CMSS1: variants seen among roughly 807,000 people sequenced by gnomAD.
The protein encoded by CMSS1 is cms1 ribosomal small subunit homolog.
CMSS1 carries 33 observed loss-of-function variants against 43.5 expected under a neutral mutation model. The ratio of observed to expected loss-of-function variants is 0.76; its 90% CI spans 0.57 to 1.01. The LOEUF is 1.01. CMSS1 is among the 50% of genes least tolerant of loss of function. The pLI is 0.00. For missense variants in CMSS1, 313 were observed against 326.4 expected (o/e 0.96, Z 0.32); for synonymous variants, 115 against 117.2 (o/e 0.98, Z 0.12).
intron 1 of CMSS1, among the ~76,000 whole-genome samples, chr3:99,828,195 T>C (rs1234828420): frequency 6.6e-6 from 1 of 152,172 alleles, no homozygotes; most frequent in African/African-American, 2.4e-5. Context: ...GTTTTTTTTC[T>C]ATTAGCATAA....
chr3:99,949,146 CTG>C (rs1414110710), intron 1 of CMSS1, among the ~76,000 whole-genome samples: 2 of 152,112 alleles, frequency 1.3e-5, no homozygotes, highest in African/African-American at 2.4e-5. Context: ...TCCCAAAAAT[CTG>C]TGAGCAAGTA....
chr3:100,103,078 C>A (rs946738275), intron 1 of CMSS1, among the ~76,000 whole-genome samples: 1 of 152,206 alleles, frequency 6.6e-6, no homozygotes, highest in African/African-American at 2.4e-5. Context: ...ACTGTGGGTA[C>A]ACAGATCTAG....
intron 1 of CMSS1, among the ~76,000 whole-genome samples, chr3:99,890,206 C>G (rs1045159501): frequency 3.9e-5 from 6 of 152,100 alleles, no homozygotes; most frequent in Non-Finnish European, 8.8e-5. Flanking sequence ...CCACCAACTT[C>G]TGGTTTCCCA....
chr3:99,825,071 A>G (rs1576489913), intron 1 of CMSS1, among the ~76,000 whole-genome samples: 1 of 152,156 alleles, frequency 6.6e-6, no homozygotes. Context: ...CCTTTACAGT[A>G]TTAGTTTTAC....
At chr3:99,901,603 T>A (rs1294787944) in intron 1 of CMSS1, among the ~76,000 whole-genome samples, 1 of 152,202 alleles carries the variant, frequency 6.6e-6, no homozygotes, top group Non-Finnish European at 1.5e-5. Flanking sequence ...TATTACATAG[T>A]TTACACTGCT....
chr3:99,928,118 T>C (rs1159720507), intron 1 of CMSS1, among the ~76,000 whole-genome samples: 2 of 152,218 alleles, frequency 1.3e-5, no homozygotes, highest in Non-Finnish European at 2.9e-5. Context: ...TCAAGATGCT[T>C]ATTCTCATGT....
At chr3:100,042,566 G>A (rs1252373353) in intron 1 of CMSS1, among the ~76,000 whole-genome samples, 1 of 152,106 alleles carries the variant, frequency 6.6e-6, no homozygotes, top group African/African-American at 2.4e-5. Context: ...TTGGAAATTG[G>A]TAATCCATGT....
chr3:99,817,937 C>A lies in CMSS1; in HGVS notation c.-43C>A. The A allele has an allele frequency of 6.2e-7, 1 of 1,601,414 alleles. No homozygotes were observed. The highest frequency in any genetic ancestry group is 1.3e-5 in the African/African-American group (1 of 74,746). On this transcript the variant is annotated 5_prime_UTR_variant, in exon 1 of 10. Transcript: ENST00000421999. ...GACAACGTGATTCTCCGCAGCTGGT[C>A]GCCTACCCGTGATGTTCTGCCCACG...
intron 1 of CMSS1, among the ~76,000 whole-genome samples, chr3:99,826,365 G>A (rs1187278653): frequency 1.3e-5 from 2 of 152,154 alleles, no homozygotes; most frequent in African/African-American, 2.4e-5. Context: ...AATATTTTAG[G>A]TTGTGTGGGT....
chr3:99,823,564 C>A (rs546717826), intron 1 of CMSS1, among the ~76,000 whole-genome samples: 1 of 152,306 alleles, frequency 6.6e-6, no homozygotes, highest in African/African-American at 2.4e-5. Flanking sequence ...CTTCGCTCTG[C>A]CTCCATTGGA....
intron 1 of CMSS1, among the ~76,000 whole-genome samples, chr3:99,820,602 ATTATTCACTGGCAATT>A (rs1942417538): frequency 6.6e-6 from 1 of 152,194 alleles, no homozygotes; most frequent in Admixed American, 6.5e-5. Flanking sequence ...AATATCCTTG[ATTATTCACTGGCAATT>A]TGCCTAATTG....
At chr3:100,122,813 G>A (rs969345130) in intron 1 of CMSS1, among the ~76,000 whole-genome samples, 2 of 152,158 alleles carry the variant, frequency 1.3e-5, no homozygotes, top group Non-Finnish European at 2.9e-5. Context: ...TGGTTAAAAT[G>A]AATACATGAA....
chr3:99,877,494 A>G (rs2107597339), intron 1 of CMSS1, among the ~76,000 whole-genome samples: 1 of 152,084 alleles, frequency 6.6e-6, no homozygotes, highest in African/African-American at 2.4e-5. Flanking sequence ...ATTCTAGATC[A>G]CTCTAAGTAC....
intron 1 of CMSS1, among the ~76,000 whole-genome samples, chr3:100,101,529 A>G (rs1310792466): frequency 5.3e-5 from 8 of 152,098 alleles, no homozygotes; most frequent in African/African-American, 1.9e-4. Flanking sequence ...GGAATTCTTG[A>G]TTGTGGTGGA....
intron 1 of CMSS1, among the ~76,000 whole-genome samples, chr3:100,124,869 C>T (rs779653952): frequency 6.8e-6 from 1 of 147,998 alleles, no homozygotes; most frequent in Non-Finnish European, 1.5e-5. Context: ...GATGTATATG[C>T]GTTCACATGT....
intron 1 of CMSS1, among the ~76,000 whole-genome samples, chr3:99,957,868 A>G (rs1708379334): frequency 6.6e-6 from 1 of 150,464 alleles, no homozygotes; most frequent in Non-Finnish European, 1.5e-5. Flanking sequence ...TAGGCCTAAT[A>G]ACAGCTGAAA....
intron 1 of CMSS1, among the ~76,000 whole-genome samples, chr3:99,884,141 C>A (rs1705820358): frequency 6.6e-6 from 1 of 152,072 alleles, no homozygotes; most frequent in African/African-American, 2.4e-5. Flanking sequence ...TGTGCAGTAG[C>A]CTGTTCAGGG....
chr3:99,825,775 C>CTTTT (rs897686337), intron 1 of CMSS1, among the ~76,000 whole-genome samples: 7 of 121,612 alleles, frequency 5.8e-5, no homozygotes, highest in Non-Finnish European at 1.0e-4. Flanking sequence ...TTTTCTTTTT[C>CTTTT]TTTTTTTTTT....
chr3:100,105,507 G>C (rs1299048317), intron 1 of CMSS1, among the ~76,000 whole-genome samples: 1 of 152,128 alleles, frequency 6.6e-6, no homozygotes, highest in Non-Finnish European at 1.5e-5. Flanking sequence ...CTTCCAGGAA[G>C]GTTCAGTAAT....
Sources: gnomAD v4.1 joint callset for allele counts (sites outside exome capture counted in the v4.1 genomes callset) on GRCh38, gnomAD v4.1.1 for gene constraint, MANE v1.5 for transcripts, NCBI Gene and HGNC (gene_info 2026-07-23, HGNC 2026-07-21) for gene names.